Variants in ADHFE1 observed in about 807,000 individuals in gnomAD.
ADHFE1 encodes hydroxyacid-oxoacid transhydrogenase, mitochondrial.
In ADHFE1, 37 loss-of-function variants were observed where a neutral mutation model predicts 54.8. That is an observed-to-expected ratio of 0.68 (90% CI 0.52 to 0.89). ADHFE1 has a LOEUF of 0.89. ADHFE1 is among the 40% of genes least tolerant of loss of function. The probability of loss-of-function intolerance (pLI) is 0.00; values close to 1 mark genes in which losing one functional copy is unlikely to be tolerated. For missense variants in ADHFE1, 601 were observed against 591.2 expected (o/e 1.02, Z -0.17); for synonymous variants, 203 against 229.3 (o/e 0.89, Z 1.04).
chr8:66,466,006 A>G (rs1223923873), intron 13 of ADHFE1, among the ~76,000 whole-genome samples: 1 of 151,512 alleles, frequency 6.6e-6, no homozygotes, highest in African/African-American at 2.4e-5. Flanking sequence ...TTGATGCACA[A>G]AAGTTTTAAA....
chr8:66,451,931 T>C (rs1415702965), intron 8 of ADHFE1, 22 bp from the exon 9 acceptor site: 1 of 1,612,156 alleles, frequency 6.2e-7, no homozygotes. Flanking sequence ...TCCATCTGTG[T>C]ACTTTCAATA....
chr8:66,453,507 AAGTG>A (rs1266338262), intron 9 of ADHFE1, among the ~76,000 whole-genome samples: 1 of 152,174 alleles, frequency 6.6e-6, no homozygotes, highest in Non-Finnish European at 1.5e-5. Flanking sequence ...GACTTTTCCA[AAGTG>A]GCACTGGGGA....
chr8:66,463,754 G>A lies in ADHFE1; in HGVS notation c.1320+3289G>A, dbSNP rs552044989. 5.9e-5 allele frequency among the ~76,000 whole-genome samples: 9 copies of A among 152,294 alleles called. No homozygotes were observed. In the South Asian group the frequency reaches 1.5e-3, roughly 25 times the overall value. On this transcript the variant is annotated intron_variant, in intron 13 of 13. Coordinates refer to ENST00000396623, the MANE Select transcript of ADHFE1 (RefSeq NM_144650.3). ...GAATATACTGGCTCCTCCAAAGAAC[G>A]TCACCAGAAAGGTTATTCAATGTAG...
chr8:66,434,978 CAA>C (rs534816704), intron 1 of ADHFE1, among the ~76,000 whole-genome samples: 2 of 140,226 alleles, frequency 1.4e-5, no homozygotes. Context: ...GACTGTGTCT[CAA>C]AAAAAAAAAA....
chr8:66,467,603 A>T (rs1249625130), intron 13 of ADHFE1, among the ~76,000 whole-genome samples: 2 of 152,160 alleles, frequency 1.3e-5, no homozygotes, highest in South Asian at 2.1e-4. Context: ...CAAAATGGAC[A>T]TTCCTCAGTT....
chr8:66,450,947 T>G (rs575361509), intron 8 of ADHFE1, among the ~76,000 whole-genome samples: 3 of 152,372 alleles, frequency 2.0e-5, no homozygotes, highest in African/African-American at 7.2e-5. Context: ...GAGTAATTCC[T>G]CCATTCTAGG....
chr8:66,446,196 A>C (rs1334419437), intron 6 of ADHFE1, among the ~76,000 whole-genome samples: 3 of 152,182 alleles, frequency 2.0e-5, no homozygotes, highest in Non-Finnish European at 4.4e-5. Flanking sequence ...ATGAGGGATC[A>C]GCAGGGAGCA....
At chr8:66,444,834 C>G (rs1805943691) in intron 5 of ADHFE1, 86 bp downstream of exon 5, 9 of 1,509,282 alleles carry the variant, frequency 6.0e-6, no homozygotes, top group Non-Finnish European at 8.2e-6. Flanking sequence ...GGCGTGGTGG[C>G]TCACGCCTGT....
chr8:66,463,225 A>G (rs978650493), intron 13 of ADHFE1, among the ~76,000 whole-genome samples: 3 of 152,252 alleles, frequency 2.0e-5, no homozygotes, highest in African/African-American at 7.2e-5. Context: ...CAACTTAATT[A>G]GGTATCATTC....
chr8:66,459,808 T>C (rs1223297568), intron 12 of ADHFE1, among the ~76,000 whole-genome samples: 7 of 152,202 alleles, frequency 4.6e-5, no homozygotes, highest in Admixed American at 4.6e-4. Context: ...ATTTTTATCA[T>C]GCTTATTTTC....
intron 1 of ADHFE1, 100 bp from the exon 2 acceptor site, chr8:66,440,062 C>A (rs1204867536): frequency 1.7e-6 from 2 of 1,147,496 alleles, no homozygotes; most frequent in South Asian, 1.4e-5. Context: ...TTGATAGCAT[C>A]TTAGCACTAG....
intron 10 of ADHFE1, among the ~76,000 whole-genome samples, chr8:66,455,930 G>A (rs1806561026): frequency 6.6e-6 from 1 of 151,502 alleles, no homozygotes; most frequent in East Asian, 1.9e-4. Flanking sequence ...GTGGGACCCT[G>A]TCTCAAAAAA....
intron 3 of ADHFE1, among the ~76,000 whole-genome samples, chr8:66,443,833 AAAG>A (rs1437158582): frequency 1.3e-5 from 2 of 152,212 alleles, no homozygotes; most frequent in Admixed American, 6.5e-5. Context: ...TCAAAAAAAA[AAAG>A]AAATTTAAAC....
At chr8:66,466,503 C>T (rs2719001) in intron 13 of ADHFE1, among the ~76,000 whole-genome samples, 68,297 of 151,514 alleles carry the variant, frequency 0.45, 16,118 homozygotes, top group African/African-American at 0.59. Flanking sequence ...GCATTTTGAG[C>T]GAATTTTTTT....
chr8:66,442,904 T>A (rs965182224), intron 3 of ADHFE1, 60 bp downstream of exon 3: 3 of 1,312,874 alleles, frequency 2.3e-6, no homozygotes, highest in Non-Finnish European at 1.1e-6. Context: ...AAAACTAGAA[T>A]ATTTTGCTAA....
rs1806419943 is a variant in ADHFE1, at chr8:66,453,650, G to C, written c.888-409G>C. 2.2e-6 allele frequency: 3 copies of C among 1,346,854 alleles called. No homozygotes were observed. In the South Asian group the frequency reaches 3.4e-5, roughly 15 times the overall value. 83.4% of individuals were successfully genotyped at this position (1,346,854 alleles called of 1,614,324 possible). On this transcript the variant is annotated intron_variant, in intron 9 of 13. Transcript: ENST00000396623. Reference sequence around the variant, plus strand: ...CCAGTGGGAGGCAGTGTCTCAGAGAGAAAGAGCGCTGGCCGGCAGGTAGCC... The same window carrying C: ...CCAGTGGGAGGCAGTGTCTCAGAGACAAAGAGCGCTGGCCGGCAGGTAGCC...
intron 13 of ADHFE1, among the ~76,000 whole-genome samples, chr8:66,463,056 A>G (rs988538842): frequency 6.6e-6 from 1 of 152,168 alleles, no homozygotes; most frequent in African/African-American, 2.4e-5. Flanking sequence ...TCCTGACCTC[A>G]GGTGATCCGC....
Sources: gnomAD v4.1 joint callset for allele counts (sites outside exome capture counted in the v4.1 genomes callset) on GRCh38, gnomAD v4.1.1 for gene constraint, MANE v1.5 for transcripts, NCBI Gene and HGNC (gene_info 2026-07-23, HGNC 2026-07-21) for gene names.